The following CAP2 variants were observed in gnomAD, a reference collection of about 807,000 sequenced individuals.
CAP2 encodes cyclase associated actin cytoskeleton regulatory protein 2.
CAP2 carries 24 observed loss-of-function variants against 57.7 expected under a neutral mutation model. That is an observed-to-expected ratio of 0.42 (90% CI 0.30 to 0.58). The LOEUF (loss-of-function observed/expected upper bound fraction) is 0.58. Ranked by LOEUF, CAP2 falls within the 20% of genes least tolerant of loss-of-function variation. The pLI is 0.22. For missense variants in CAP2, 501 were observed against 590.3 expected, an observed-to-expected ratio of 0.85 and a Z score of 1.57; for synonymous variants, 194 against 207.2, an observed-to-expected ratio of 0.94 and a Z score of 0.55.
intron 7 of CAP2, among the ~76,000 whole-genome samples, chr6:17,515,207 A>G (rs906365539): frequency 1.3e-5 from 2 of 152,072 alleles, no homozygotes; most frequent in Admixed American, 6.5e-5. Context: ...AAAAAAAAAA[A>G]AAATGTGTGA....
At chr6:17,442,149 C>T (rs1190236989) in intron 3 of CAP2, among the ~76,000 whole-genome samples, 1 of 152,140 alleles carries the variant, frequency 6.6e-6, no homozygotes, top group East Asian at 1.9e-4. Context: ...AAGCTGAATC[C>T]TCACTGGAGT....
chr6:17,434,240 T>C (rs1016440358), intron 3 of CAP2, among the ~76,000 whole-genome samples: 1 of 151,622 alleles, frequency 6.6e-6, no homozygotes, highest in African/African-American at 2.4e-5. Context: ...TCTTTCTTTT[T>C]TTTTTTGAGA....
intron 4 of CAP2, among the ~76,000 whole-genome samples, chr6:17,465,641 C>G (rs530576647): frequency 6.6e-6 from 1 of 152,278 alleles, no homozygotes; most frequent in African/African-American, 2.4e-5. Context: ...GGGGATGGTA[C>G]AGGCTCAAGA....
At chr6:17,435,963 G>A (rs1324138458) in intron 3 of CAP2, among the ~76,000 whole-genome samples, 1 of 152,156 alleles carries the variant, frequency 6.6e-6, no homozygotes, top group African/African-American at 2.4e-5. Flanking sequence ...TGGGATTCCA[G>A]GGTGTATCAG....
At chr6:17,494,479 T>C (rs1368691970) in intron 4 of CAP2, among the ~76,000 whole-genome samples, 1 of 152,188 alleles carries the variant, frequency 6.6e-6, no homozygotes, top group Non-Finnish European at 1.5e-5. Flanking sequence ...ACATGGCTAA[T>C]GCCACTTCCA....
intron 3 of CAP2, among the ~76,000 whole-genome samples, chr6:17,458,635 G>A (rs898350299): frequency 6.6e-6 from 1 of 152,066 alleles, no homozygotes; most frequent in African/African-American, 2.4e-5. Flanking sequence ...ATATTGACAC[G>A]GGGATGAAAT....
At chr6:17,490,308 C>G (rs1486870851) in intron 4 of CAP2, among the ~76,000 whole-genome samples, 1 of 152,198 alleles carries the variant, frequency 6.6e-6, no homozygotes, top group East Asian at 1.9e-4. Flanking sequence ...GAGTCCACAT[C>G]TGTGGCTATC....
chr6:17,471,282 C>T (rs1269381660), intron 4 of CAP2, among the ~76,000 whole-genome samples: 1 of 152,178 alleles, frequency 6.6e-6, no homozygotes, highest in Non-Finnish European at 1.5e-5. Context: ...ATGATTAGTG[C>T]TGCTAAGTTC....
At chr6:17,393,917 C>T (rs1758602608) in intron 1 of CAP2, among the ~76,000 whole-genome samples, 171 bp downstream of exon 1, 1 of 138,490 alleles carries the variant, frequency 7.2e-6, no homozygotes, top group South Asian at 2.4e-4. Flanking sequence ...GGCGCGGGCG[C>T]GGGGGCCGGG....
intron 1 of CAP2, among the ~76,000 whole-genome samples, chr6:17,406,643 C>T (rs1471878117): frequency 2.0e-5 from 3 of 152,026 alleles, no homozygotes; most frequent in South Asian, 4.2e-4. Flanking sequence ...GTGCCTGCCT[C>T]GGCCTCCCAA....
chr6:17,521,367 A>C (rs1762388170), intron 7 of CAP2, among the ~76,000 whole-genome samples: 1 of 152,002 alleles, frequency 6.6e-6, no homozygotes, highest in Non-Finnish European at 1.5e-5. Flanking sequence ...GCAGTGAGCC[A>C]AGATGGCACC....
intron 3 of CAP2, among the ~76,000 whole-genome samples, chr6:17,429,071 C>T (rs761520775): frequency 2.0e-5 from 3 of 152,328 alleles, no homozygotes; most frequent in Middle Eastern, 3.4e-3. Flanking sequence ...GATGCATCCA[C>T]GTCAAATGTA....
chr6:17,465,407 C>T (rs1389374467), intron 4 of CAP2, among the ~76,000 whole-genome samples: 1 of 152,180 alleles, frequency 6.6e-6, no homozygotes, highest in Non-Finnish European at 1.5e-5. Flanking sequence ...GAGGCATGCA[C>T]TGGAAACGTC....
At chr6:17,538,460 A>G (rs1239700456) in intron 7 of CAP2, among the ~76,000 whole-genome samples, 1 of 152,178 alleles carries the variant, frequency 6.6e-6, no homozygotes, top group African/African-American at 2.4e-5. Context: ...GTCTCCTTAA[A>G]AAAAAGCAAA....
At chr6:17,442,336 C>T (rs1156968799) in intron 3 of CAP2, among the ~76,000 whole-genome samples, 1 of 152,176 alleles carries the variant, frequency 6.6e-6, no homozygotes, top group Non-Finnish European at 1.5e-5. Flanking sequence ...ATGATGTTCG[C>T]CGCCAGGAAA....
At chr6:17,543,344 G>A (rs764121802) in intron 11 of CAP2, among the ~76,000 whole-genome samples, 7 of 152,164 alleles carry the variant, frequency 4.6e-5, no homozygotes, top group Non-Finnish European at 8.8e-5. Flanking sequence ...GCAGCCAGTC[G>A]CGGTGGCTCA....
At chr6:17,498,344 A>G (rs1416679565) in intron 4 of CAP2, among the ~76,000 whole-genome samples, 1 of 152,266 alleles carries the variant, frequency 6.6e-6, no homozygotes, top group East Asian at 1.9e-4. Context: ...GGTAATGACA[A>G]CGTAGATTAT....
intron 1 of CAP2, among the ~76,000 whole-genome samples, chr6:17,396,503 C>T (rs186844172): frequency 1.4e-4 from 21 of 152,232 alleles, no homozygotes; most frequent in Admixed American, 5.9e-4. Context: ...GCTACAACAT[C>T]GATGAATCTT....
chr6:17,539,242 G>T, intron 7 of CAP2, 27 bp from the exon 8 acceptor site: 1 of 1,588,426 alleles, frequency 6.3e-7, no homozygotes, highest in African/African-American at 1.4e-5. Flanking sequence ...TCAATGCAAT[G>T]CAATGCCCTG....
Sources: allele counts gnomAD v4.1 joint callset (sites outside exome capture counted in the v4.1 genomes callset), GRCh38; gene constraint gnomAD v4.1.1; transcripts MANE v1.5; gene names NCBI Gene and HGNC (gene_info 2026-07-23, HGNC 2026-07-21).